ATP8B4: variants seen among roughly 807,000 people sequenced by gnomAD.
The protein encoded by ATP8B4 is ATPase phospholipid transporting 8B4 (putative).
A neutral mutation model predicts 145.6 loss-of-function variants in ATP8B4; 133 were observed. The ratio of observed to expected loss-of-function variants is 0.91; its 90% confidence interval spans 0.79 to 1.05. ATP8B4 has a LOEUF of 1.05. Among genes scored for constraint, ATP8B4 ranks in the 50% least tolerant of loss-of-function variants. The probability of loss-of-function intolerance (pLI) is 0.00; values close to 1 mark genes in which losing one functional copy is unlikely to be tolerated. For missense variants in ATP8B4, 1,458 were observed against 1,425.2 expected (o/e 1.02, Z -0.37); for synonymous variants, 507 against 492.9 (o/e 1.03, Z -0.38).
chr15:50,052,538 A>G (rs2052269029), intron 3 of ATP8B4, among the ~76,000 whole-genome samples: 1 of 152,232 alleles, frequency 6.6e-6, no homozygotes, highest in African/African-American at 2.4e-5. Flanking sequence ...AAGAGGGAGA[A>G]GGGCAAAGAT....
chr15:50,019,442 G>A (rs572095328), intron 6 of ATP8B4, among the ~76,000 whole-genome samples: 1 of 152,244 alleles, frequency 6.6e-6, no homozygotes, highest in East Asian at 1.9e-4. Context: ...TTAAACACCT[G>A]TCTTTCATGA....
intron 1 of ATP8B4, among the ~76,000 whole-genome samples, chr15:50,147,387 T>C (rs1203706902): frequency 2.1e-5 from 3 of 140,312 alleles, no homozygotes; most frequent in East Asian, 4.2e-4. Context: ...CTGCACTCCA[T>C]CCTGGGTGAC....
intron 14 of ATP8B4, among the ~76,000 whole-genome samples, chr15:49,937,130 T>C (rs1297552609): frequency 1.3e-5 from 2 of 152,310 alleles, no homozygotes; most frequent in African/African-American, 4.8e-5. Context: ...GGTTTTTATC[T>C]CTCACATTTA....
intron 3 of ATP8B4, among the ~76,000 whole-genome samples, chr15:50,063,463 T>C (rs985825016): frequency 1.3e-5 from 2 of 152,040 alleles, no homozygotes; most frequent in African/African-American, 2.4e-5. Flanking sequence ...AAAGTCCACA[T>C]AGATACAATA....
intron 9 of ATP8B4, among the ~76,000 whole-genome samples, chr15:49,988,849 A>G (rs1486769294): frequency 6.6e-6 from 1 of 152,170 alleles, no homozygotes; most frequent in African/African-American, 2.4e-5. Context: ...ACCAGTTGCC[A>G]CATGGCCACG....
chr15:50,006,057 C>T lies in ATP8B4; in HGVS notation c.436-3834G>A, dbSNP rs1277979071. On this transcript the variant is annotated intron_variant, in intron 7 of 27. Transcript: ENST00000284509. ...TTGAGTCAAAAAATGAGAATGAGAT[C>T]CTAAAAATGAAGTTTATATGGTAAT... Among the ~76,000 whole-genome samples, 11 of 151,948 alleles carry T rather than the reference C, an allele frequency of 7.2e-5. No individual in the cohort carries two copies. In the South Asian group the frequency reaches 1.5e-3, roughly 20 times the overall value.
intron 26 of ATP8B4, among the ~76,000 whole-genome samples, chr15:49,865,093 G>A (rs997922301): frequency 6.6e-6 from 1 of 152,178 alleles, no homozygotes; most frequent in African/African-American, 2.4e-5. Flanking sequence ...TAGGATTAGA[G>A]GGTTGGGAGT....
At chr15:49,933,894 C>T (rs1435490072) in intron 15 of ATP8B4, 123 bp downstream of exon 15, 1 of 1,114,194 alleles carries the variant, frequency 9.0e-7, no homozygotes, top group Admixed American at 3.2e-5. Flanking sequence ...TGTTAAAAAA[C>T]AAAAACAAAA....
intron 3 of ATP8B4, among the ~76,000 whole-genome samples, chr15:50,048,415 AG>A (rs1248401046): frequency 6.6e-6 from 1 of 152,152 alleles, no homozygotes; most frequent in Admixed American, 6.5e-5. Context: ...GCTAATAAGA[AG>A]GGCAAAGGGG....
intron 20 of ATP8B4, among the ~76,000 whole-genome samples, chr15:49,916,625 G>C (rs771394314): frequency 3.9e-5 from 6 of 152,068 alleles, no homozygotes; most frequent in Non-Finnish European, 7.4e-5. Context: ...TCATCACCAC[G>C]CAAGAGTGAG....
chr15:50,034,842 C>A (rs531370548), intron 6 of ATP8B4, among the ~76,000 whole-genome samples: 1 of 152,150 alleles, frequency 6.6e-6, no homozygotes, highest in African/African-American at 2.4e-5. Context: ...GTTGCTCCCA[C>A]GGTGGCCAGG....
chr15:50,038,087 C>T (rs2050973139), intron 6 of ATP8B4, among the ~76,000 whole-genome samples: 1 of 152,082 alleles, frequency 6.6e-6, no homozygotes. Context: ...TACTTTGCCA[C>T]ATTATCATTA....
At chr15:50,152,823 A>T (rs1174407626) in intron 1 of ATP8B4, among the ~76,000 whole-genome samples, 1 of 152,228 alleles carries the variant, frequency 6.6e-6, no homozygotes, top group Non-Finnish European at 1.5e-5. Context: ...AGTAATCAAA[A>T]ACCTGGTGAA....
chr15:49,956,415 T>C (rs184267526), intron 14 of ATP8B4, among the ~76,000 whole-genome samples: 130 of 152,150 alleles, frequency 8.5e-4, no homozygotes, highest in African/African-American at 2.9e-3. Context: ...TAAGTGTATA[T>C]ATTATTATAT....
chr15:49,974,081 C>CTTTTTTTTTTTTTT (rs5812500), intron 12 of ATP8B4, among the ~76,000 whole-genome samples: 1 of 126,726 alleles, frequency 7.9e-6, no homozygotes. Context: ...TATCATTTGT[C>CTTTTTTTTTTTTTT]TTTTTTTTTT....
At chr15:50,132,781 CAA>C (rs1290867187) in intron 1 of ATP8B4, among the ~76,000 whole-genome samples, 1 of 152,014 alleles carries the variant, frequency 6.6e-6, no homozygotes, top group African/African-American at 2.4e-5. Flanking sequence ...TATGCAGCCA[CAA>C]AAAAGGATGA....
chr15:49,941,839 A>G (rs1165588788), intron 14 of ATP8B4, among the ~76,000 whole-genome samples: 1 of 152,228 alleles, frequency 6.6e-6, no homozygotes, highest in Non-Finnish European at 1.5e-5. Flanking sequence ...GTATATATAC[A>G]CCGTGGAATA....
chr15:49,896,239 A>G (rs1259662295), intron 23 of ATP8B4: 1 of 152,214 alleles, frequency 6.6e-6, no homozygotes. Flanking sequence ...ATCTACTCTT[A>G]GTTTAGGGCA....
chr15:49,996,735 A>G lies in ATP8B4; in HGVS notation c.531T>C (p.His177=). Residue 177 remains histidine, a synonymous_variant, in exon 9 of 28, where the codon CAT becomes CAC. Transcript: ENST00000284509. ...CAAGTTCTGAAGTAACTGATAGTGC[A>G]TGGCGGACTTTTAGGTTCGTTTCCC... is the stretch of plus-strand genomic sequence containing the variant. ...LDGETNLKVR[H]ALSVTSELGA... is the part of the protein sequence containing the mutation. The G allele has an allele frequency of 1.9e-6, 3 of 1,610,724 alleles. No individual in the cohort carries two copies. The highest frequency in any genetic ancestry group is 1.7e-6 in the Non-Finnish European group (2 of 1,177,628).
Sources: allele counts gnomAD v4.1 joint callset (sites outside exome capture counted in the v4.1 genomes callset), GRCh38; gene constraint gnomAD v4.1.1; transcripts MANE v1.5; gene names NCBI Gene and HGNC (gene_info 2026-07-23, HGNC 2026-07-21).